FBXL20: variants seen among roughly 807,000 people sequenced by gnomAD.
The protein encoded by FBXL20 is F-box and leucine rich repeat protein 20, also known as F-box/LRR-repeat protein 20.
FBXL20 carries 11 observed loss-of-function variants against 64.0 expected under a neutral mutation model. That is an observed-to-expected ratio of 0.17 (90% CI 0.11 to 0.28). The LOEUF (loss-of-function observed/expected upper bound fraction) is 0.28, where lower values mean the gene tolerates loss of function less well. Among genes scored for constraint, FBXL20 ranks in the 10% least tolerant of loss-of-function variants. The probability of loss-of-function intolerance (pLI) is 1.00; values close to 1 mark genes in which losing one functional copy is unlikely to be tolerated. For synonymous variants in FBXL20, 184 were observed against 189.0 expected (o/e 0.97, Z 0.22); for missense variants, 303 against 526.2 (o/e 0.58, Z 4.15).
intron 6 of FBXL20, among the ~76,000 whole-genome samples, chr17:39,296,473 T>C (rs555282759): frequency 2.0e-5 from 3 of 148,032 alleles, no homozygotes; most frequent in Admixed American, 6.9e-5. Flanking sequence ...GGCAGGAGAA[T>C]TGCTTCAAGC....
At chr17:39,390,197 GGAA>G (rs1447316239) in intron 1 of FBXL20, among the ~76,000 whole-genome samples, 1 of 152,004 alleles carries the variant, frequency 6.6e-6, no homozygotes, top group East Asian at 1.9e-4. Flanking sequence ...CAGCACTTTG[GGAA>G]GCCAAGGTCC....
At chr17:39,274,548 A>T (rs1385365443) in intron 10 of FBXL20, among the ~76,000 whole-genome samples, 1 of 152,208 alleles carries the variant, frequency 6.6e-6, no homozygotes, top group Admixed American at 6.6e-5. Context: ...CATCAGTACA[A>T]AAGAGGTATT....
chr17:39,269,393 C>A (rs1161260617), intron 11 of FBXL20, among the ~76,000 whole-genome samples: 1 of 151,918 alleles, frequency 6.6e-6, no homozygotes, highest in Non-Finnish European at 1.5e-5. Flanking sequence ...CGGGGTTTCA[C>A]CATGTTAGCC....
At chr17:39,345,072 C>T (rs961077965) in intron 1 of FBXL20, among the ~76,000 whole-genome samples, 6 of 152,148 alleles carry the variant, frequency 3.9e-5, no homozygotes, top group Non-Finnish European at 7.3e-5. Context: ...ATGGCACATA[C>T]ACATGTGACC....
At chr17:39,375,963 C>CA (rs1048635437) in intron 1 of FBXL20, among the ~76,000 whole-genome samples, 1 of 151,842 alleles carries the variant, frequency 6.6e-6, no homozygotes, top group African/African-American at 2.4e-5. Context: ...ACTAAAAATA[C>CA]AAAAAATTAG....
At chr17:39,352,853 C>G (rs111897776) in intron 1 of FBXL20, among the ~76,000 whole-genome samples, 1,983 of 152,184 alleles carry the variant, frequency 0.013, 16 homozygotes, top group Middle Eastern at 0.027. Flanking sequence ...TTAGCTAGCA[C>G]CTGGCTGTGT....
At position 39,379,485 on chromosome 17, in the gene FBXL20, C is replaced by CAAAA. The variant is rs375953565; in HGVS notation, c.42+21872_42+21875dup. Among the ~76,000 whole-genome samples, 188 of 127,086 alleles carry CAAAA rather than the reference C, an allele frequency of 1.5e-3. 7 individuals are homozygous for CAAAA. Among genetic ancestry groups the CAAAA allele is most frequent in the Admixed American group, 5.8e-3 (72 of 12,418 alleles). 83.4% of individuals were successfully genotyped at this position (127,086 alleles called of 152,430 possible). On this transcript the variant is annotated intron_variant, in intron 1 of 14. Coordinates refer to ENST00000264658, the MANE Select transcript of FBXL20 (RefSeq NM_032875.3). ...AACATAGCAAGACCCCATCCCTTAC[C>CAAAA]AAAAAAAAAAAAACTGGCCAGGCAC... is the stretch of plus-strand genomic sequence containing the variant.
At chr17:39,285,915 T>C (rs757399248) in intron 6 of FBXL20, among the ~76,000 whole-genome samples, 7 of 152,194 alleles carry the variant, frequency 4.6e-5, no homozygotes, top group Admixed American at 6.5e-5. Context: ...CAGAAGCTAA[T>C]GGCTATCTAC....
Position 39,261,250 on chromosome 17 carries a change from A to C in FBXL20, c.*210T>G. 2.1e-6 allele frequency: 1 copy of C among 482,672 alleles called. No individual in the cohort carries two copies. Among genetic ancestry groups the C allele is most frequent in the Non-Finnish European group, 3.7e-6 (1 of 267,594 alleles). 29.9% of individuals were successfully genotyped at this position (482,672 alleles called of 1,614,324 possible). On this transcript the variant is annotated 3_prime_UTR_variant, in exon 15 of 15. Transcript: ENST00000264658. Reference sequence around the variant, plus strand: ...ATCTACTTGATAAAAAAGCCATCACAAACTTCAGTCCCATGGTCACAAAGC... The same window carrying C: ...ATCTACTTGATAAAAAAGCCATCACCAACTTCAGTCCCATGGTCACAAAGC...
chr17:39,300,709 T>C (rs1320589731), intron 4 of FBXL20, among the ~76,000 whole-genome samples: 6 of 152,190 alleles, frequency 3.9e-5, no homozygotes, highest in Admixed American at 3.9e-4. Context: ...AAAATAAACA[T>C]AGATTCAATG....
At chr17:39,297,883 G>A (rs188652796) in intron 5 of FBXL20, among the ~76,000 whole-genome samples, 142 of 151,880 alleles carry the variant, frequency 9.3e-4, no homozygotes, top group African/African-American at 3.1e-3. Flanking sequence ...TTACAGGCAC[G>A]CACCACCATG....
At chr17:39,370,515 G>A (rs1390139281) in intron 1 of FBXL20, among the ~76,000 whole-genome samples, 1 of 136,194 alleles carries the variant, frequency 7.3e-6, no homozygotes, top group African/African-American at 2.8e-5. Flanking sequence ...GGCCGGGCGC[G>A]GTGGCTCACG....
intron 2 of FBXL20, among the ~76,000 whole-genome samples, chr17:39,311,946 T>G (rs1358181078): frequency 1.3e-5 from 2 of 152,122 alleles, no homozygotes; most frequent in Non-Finnish European, 1.5e-5. Context: ...TGTGCAGACT[T>G]AGGAGTACCA....
chr17:39,339,119 G>T (rs2047557050), intron 2 of FBXL20, among the ~76,000 whole-genome samples: 1 of 129,784 alleles, frequency 7.7e-6, no homozygotes, highest in African/African-American at 3.1e-5. Flanking sequence ...AGTGAGCCGA[G>T]ATCATGCCAC....
chr17:39,396,014 T>G (rs1297322812), intron 1 of FBXL20, among the ~76,000 whole-genome samples: 3 of 150,602 alleles, frequency 2.0e-5, no homozygotes, highest in Admixed American at 6.6e-5. Flanking sequence ...TGTGGGGTTT[T>G]TTTTTTTTTT....
chr17:39,350,367 T>C (rs1201906355), intron 1 of FBXL20, among the ~76,000 whole-genome samples: 1 of 152,106 alleles, frequency 6.6e-6, no homozygotes, highest in African/African-American at 2.4e-5. Context: ...TGCATGCCTA[T>C]AATCCCAGCT....
At chr17:39,362,040 C>T (rs2047800477) in intron 1 of FBXL20, among the ~76,000 whole-genome samples, 1 of 151,164 alleles carries the variant, frequency 6.6e-6, no homozygotes. Flanking sequence ...GTAATCCCAG[C>T]ACTTTGGGAG....
rs150234709 is a variant in FBXL20 at position 39,259,099 on chromosome 17, T to C, written c.*2361A>G. On this transcript the variant is annotated 3_prime_UTR_variant, in exon 15 of 15. Transcript: ENST00000264658. The stretch of plus-strand genomic sequence containing the variant: ...AAGACCCTTTCATCCAATTGCCTTC[T>C]AAATCAATGGATAAATAAATCAGAC... The C allele has an allele frequency of 9.9e-4, 150 of 152,280 alleles. 1 individual carries two copies. Among genetic ancestry groups the C allele is most frequent in the African/African-American group, 3.4e-3 (142 of 41,562 alleles). The allele number at this position is 152,280 out of a possible 1,614,324, so 9.4% of individuals were successfully genotyped here.
chr17:39,315,735 T>C (rs969140851), intron 2 of FBXL20, among the ~76,000 whole-genome samples: 7 of 151,340 alleles, frequency 4.6e-5, no homozygotes, highest in Non-Finnish European at 7.4e-5. Flanking sequence ...AAGCAGGACT[T>C]TGTCCGTGCA....
Sources: allele counts gnomAD v4.1 joint callset (sites outside exome capture counted in the v4.1 genomes callset), GRCh38; gene constraint gnomAD v4.1.1; transcripts MANE v1.5; gene names NCBI Gene and HGNC (gene_info 2026-07-23, HGNC 2026-07-21).